SLC2A13: variants seen among roughly 807,000 people sequenced by gnomAD.
SLC2A13 encodes the protein proton myo-inositol cotransporter.
A neutral mutation model predicts 64.4 loss-of-function variants in SLC2A13; 32 were observed. That is an observed-to-expected ratio of 0.50 (90% confidence interval 0.37 to 0.67). The LOEUF is 0.67. Among genes scored for constraint, SLC2A13 ranks in the 30% least tolerant of loss-of-function variants. SLC2A13 has a pLI of 0.00. For missense variants in SLC2A13, 743 were observed against 829.2 expected, an observed-to-expected ratio of 0.90 and a Z score of 1.28; for synonymous variants, 338 against 327.1, an observed-to-expected ratio of 1.03 and a Z score of -0.36.
At position 40,105,595 on chromosome 12, in the gene SLC2A13, A is replaced by T. The variant is rs755056712; in HGVS notation, c.214T>A (p.Phe72Ile). ...GDLERAARRQ[F>I]QQDETPAFVY... ...AAGGCGGGGGTCTCGTCCTGCTGGAACTGCCGCCGCGCCGCGCGCTCCAGG... is the reference window on the plus strand; with the variant it reads ...AAGGCGGGGGTCTCGTCCTGCTGGATCTGCCGCCGCGCCGCGCGCTCCAGG... The change falls in exon 1 of 10, where the codon TTC becomes ATC. Residue 72 changes from phenylalanine (F) to isoleucine (I), a missense_variant. Physicochemically the swap from Phe to Ile is conservative, Grantham distance 21. Around this residue, in one of 2 missense-constraint regions of SLC2A13, gnomAD observed 448 missense variants for 447.4 expected, o/e 1.00. Transcript: ENST00000280871. The surrounding 1 kb of genome is among the most constrained non-coding windows in gnomAD (Gnocchi z 4.2). The T allele has an allele frequency of 4.4e-5, 68 of 1,533,132 alleles. No homozygotes were observed. The highest frequency in any genetic ancestry group is 5.8e-5 in the Non-Finnish European group (66 of 1,142,882). The allele number at this position is 1,533,132 out of a possible 1,614,324, so 95.0% of individuals were successfully genotyped here.
intron 1 of SLC2A13, among the ~76,000 whole-genome samples, chr12:40,054,385 A>C (rs879691580): frequency 1.3e-5 from 2 of 152,186 alleles, no homozygotes; most frequent in Non-Finnish European, 2.9e-5. Flanking sequence ...TAAAGAAAAA[A>C]CAAGTTATTA....
At chr12:40,004,260 C>T (rs11174705) in intron 3 of SLC2A13, among the ~76,000 whole-genome samples, 14 of 152,056 alleles carry the variant, frequency 9.2e-5, no homozygotes. Context: ...TCTCAGCTCA[C>T]TGCAACCTCC....
chr12:39,918,026 TACAA>T (rs1302931672), intron 4 of SLC2A13, among the ~76,000 whole-genome samples: 1 of 152,090 alleles, frequency 6.6e-6, no homozygotes, highest in African/African-American at 2.4e-5. Context: ...GAAATGTGCA[TACAA>T]ACAATTAATT....
At chr12:39,872,103 C>G (rs1944072047) in intron 4 of SLC2A13, 142 bp from the exon 5 acceptor site, 1 of 619,854 alleles carries the variant, frequency 1.6e-6, no homozygotes, top group Non-Finnish European at 2.5e-6. Flanking sequence ...GGAATTCATG[C>G]AAGCTGTTGA....
At chr12:40,064,232 G>GAA (rs1948473577) in intron 1 of SLC2A13, among the ~76,000 whole-genome samples, 1 of 152,056 alleles carries the variant, frequency 6.6e-6, no homozygotes, top group Non-Finnish European at 1.5e-5. Context: ...GTGACAAAGA[G>GAA]AGAGTGCCCT....
chr12:40,009,117 T>C lies in SLC2A13; in HGVS notation c.925+19184A>G, dbSNP rs191763046. On this transcript the variant is annotated intron_variant, in intron 3 of 9. Coordinates refer to ENST00000280871, the MANE Select transcript of SLC2A13 (RefSeq NM_052885.4). Reference sequence around the variant, plus strand: ...AATTCTCTAGGTGTGTTTGTGTGTGTGTGTCTGGAAGAATATTCCCCAAAT... The same window carrying C: ...AATTCTCTAGGTGTGTTTGTGTGTGCGTGTCTGGAAGAATATTCCCCAAAT... Among the ~76,000 whole-genome samples, 60 of 152,300 alleles carry C rather than the reference T, an allele frequency of 3.9e-4. 1 individual carries two copies. In the East Asian group the frequency reaches 9.3e-3, roughly 23 times the overall value.
intron 3 of SLC2A13, among the ~76,000 whole-genome samples, chr12:39,964,434 C>T (rs1311588100): frequency 6.6e-6 from 1 of 152,172 alleles, no homozygotes; most frequent in Admixed American, 6.5e-5. Context: ...ACTTTCCAGT[C>T]TCTCATCTTT....
At chr12:39,822,211 T>C (rs759941628) in intron 7 of SLC2A13, among the ~76,000 whole-genome samples, 3 of 151,994 alleles carry the variant, frequency 2.0e-5, no homozygotes, top group Non-Finnish European at 4.4e-5. Flanking sequence ...AGAATGATGA[T>C]TTCCAAGATA....
chr12:39,946,047 G>A (rs1215028823), intron 4 of SLC2A13, among the ~76,000 whole-genome samples: 1 of 152,178 alleles, frequency 6.6e-6, no homozygotes, highest in Non-Finnish European at 1.5e-5. Flanking sequence ...CCCACAGGGT[G>A]TTCCCTTGAT....
Position 39,834,409 on chromosome 12 carries a change from T to C in SLC2A13, c.1320-4181A>G, listed in dbSNP as rs115615732. Among the ~76,000 whole-genome samples the C allele has an allele frequency of 6.1e-3, 934 of 152,174 alleles. 11 individuals are homozygous for C. The highest frequency in any genetic ancestry group is 0.021 in the African/African-American group (883 of 41,552). On this transcript the variant is annotated intron_variant, in intron 6 of 9. Coordinates refer to ENST00000280871, the MANE Select transcript of SLC2A13 (RefSeq NM_052885.4). ...GTGTTCCAAGTCATGGACCAAACTTTTAATTTCATTTCTCTGGCCATAACC... is the reference window on the plus strand; with the variant it reads ...GTGTTCCAAGTCATGGACCAAACTTCTAATTTCATTTCTCTGGCCATAACC...
chr12:39,874,059 C>T (rs546419866), intron 4 of SLC2A13, among the ~76,000 whole-genome samples: 2 of 152,264 alleles, frequency 1.3e-5, no homozygotes, highest in African/African-American at 4.8e-5. Flanking sequence ...AATGGAAAGA[C>T]AATATTTTAA....
Position 39,870,412 on chromosome 12 carries a change from C to G in SLC2A13, c.1198+1386G>C, listed in dbSNP as rs531727942. On this transcript the variant is annotated intron_variant, in intron 5 of 9. Transcript: ENST00000280871. ...TATCCTTTCGTTGAGAGTTTACTAT[C>G]CTAATGATTCAGTCCATTTCATTGC... 3.3e-5 allele frequency among the ~76,000 whole-genome samples: 5 copies of G among 152,232 alleles called. No individual in the cohort carries two copies. The South Asian group carries it at 1.0e-3, about 32-fold the overall frequency.
chr12:39,869,255 T>C (rs1223676855), intron 5 of SLC2A13, among the ~76,000 whole-genome samples: 1 of 152,196 alleles, frequency 6.6e-6, no homozygotes, highest in East Asian at 1.9e-4. Context: ...GTTAACAAGG[T>C]TGTTGAATGG....
intron 5 of SLC2A13, among the ~76,000 whole-genome samples, chr12:39,867,821 G>C (rs1184900587): frequency 6.6e-6 from 1 of 152,130 alleles, no homozygotes; most frequent in Non-Finnish European, 1.5e-5. Flanking sequence ...CTGAATCAGA[G>C]TCTCCAGAAG....
chr12:39,821,613 G>A (rs1942512508), intron 7 of SLC2A13, among the ~76,000 whole-genome samples: 1 of 152,122 alleles, frequency 6.6e-6, no homozygotes, highest in Non-Finnish European at 1.5e-5. Context: ...TCTTCACCCT[G>A]TGACCAAATC....
intron 1 of SLC2A13, among the ~76,000 whole-genome samples, chr12:40,058,028 T>C (rs1333634618): frequency 6.7e-6 from 1 of 150,240 alleles, no homozygotes; most frequent in Admixed American, 6.7e-5. Context: ...TGCTTACACT[T>C]GAAAATTTCT....
At chr12:40,024,383 C>T (rs1196758420) in intron 3 of SLC2A13, among the ~76,000 whole-genome samples, 3 of 152,152 alleles carry the variant, frequency 2.0e-5, no homozygotes. Context: ...TCAAAACTTG[C>T]AAAAATCAAT....
At chr12:40,060,557 C>T (rs1223465709) in intron 1 of SLC2A13, among the ~76,000 whole-genome samples, 2 of 152,094 alleles carry the variant, frequency 1.3e-5, no homozygotes, top group African/African-American at 4.8e-5. Context: ...GAAATAATCG[C>T]TTTACTTTGG....
At chr12:39,849,581 T>C (rs1266480230) in intron 6 of SLC2A13, among the ~76,000 whole-genome samples, 1 of 152,212 alleles carries the variant, frequency 6.6e-6, no homozygotes, top group Non-Finnish European at 1.5e-5. Context: ...TGTTCCTTTG[T>C]GACTCTTCCT....
Sources: allele counts gnomAD v4.1 joint callset (sites outside exome capture counted in the v4.1 genomes callset), GRCh38; gene constraint gnomAD v4.1.1; regional missense constraint gnomAD v4.1.1; non-coding constraint Gnocchi (gnomAD v3.1); transcripts MANE v1.5; gene names NCBI Gene and HGNC (gene_info 2026-07-23, HGNC 2026-07-21).